Variants in IL4R observed in about 807,000 individuals in gnomAD.
IL4R encodes the protein interleukin-4 receptor subunit alpha.
IL4R carries 17 observed loss-of-function variants against 41.5 expected under a neutral mutation model. The ratio of observed to expected loss-of-function variants is 0.41; its 90% CI spans 0.28 to 0.61. IL4R has a LOEUF of 0.61. IL4R is among the 20% of genes least tolerant of loss of function. The pLI, the probability that IL4R is intolerant of heterozygous loss-of-function variation, is 0.31. For synonymous variants in IL4R, 402 were observed against 422.9 expected (o/e 0.95, Z 0.61); for missense variants, 974 against 1,043.1 (o/e 0.93, Z 0.91).
chr16:27,363,490 A>C lies in IL4R; in HGVS notation c.2138A>C (p.Tyr713Ser). The change falls in exon 11 of 11, where the codon TAC becomes TCC. Residue 713 changes from tyrosine to serine, a missense_variant. Tyr to Ser is a moderately radical substitution (Grantham distance 144, BLOSUM62 -2). Coordinates refer to ENST00000395762, the MANE Select transcript of IL4R (RefSeq NM_000418.4). ...LVDSLGSGIV[Y>S]SALTCHLCGH... Reference sequence around the variant, plus strand: ...GACAGCCTGGGCAGTGGCATTGTCTACTCAGCCCTTACCTGCCACCTGTGC... The same window carrying C: ...GACAGCCTGGGCAGTGGCATTGTCTCCTCAGCCCTTACCTGCCACCTGTGC... 1 of 1,614,036 alleles carries C rather than the reference A, an allele frequency of 6.2e-7. No individual in the cohort carries two copies. Among genetic ancestry groups the C allele is most frequent in the Non-Finnish European group, 8.5e-7 (1 of 1,179,962 alleles).
rs935440543 is a variant in IL4R at position 27,363,284 on chromosome 16, C to A, written c.1932C>A (p.Asp644Glu). 1.9e-6 allele frequency: 3 copies of A among 1,604,236 alleles called. No individual in the cohort carries two copies. In the East Asian group the frequency reaches 6.7e-5, roughly 36 times the overall value. Reference sequence around the variant, plus strand: ...ACCTCATTCCTGGCTGCCCTGGGGACCCTGCCCCAGTCCCTGTCCCCTTGT... The same window carrying A: ...ACCTCATTCCTGGCTGCCCTGGGGAACCTGCCCCAGTCCCTGTCCCCTTGT... ...FQDLIPGCPG[D>E]PAPVPVPLFT... Residue 644 changes from aspartate to glutamate, a missense_variant, in exon 11 of 11, where the codon GAC becomes GAA. Transcript: ENST00000395762.
intron 10 of IL4R, 195 bp downstream of exon 10, chr16:27,361,010 T>TCA: frequency 2.0e-6 from 3 of 1,466,234 alleles, no homozygotes; most frequent in Non-Finnish European, 2.7e-6. Flanking sequence ...TGAGTTTCAC[T>TCA]GGTGTGTCAG....
At chr16:27,349,960 G>A (rs370057364) in intron 6 of IL4R, among the ~76,000 whole-genome samples, 1 of 152,100 alleles carries the variant, frequency 6.6e-6, no homozygotes, top group Non-Finnish European at 1.5e-5. Flanking sequence ...CATGTTGTCC[G>A]GGCTGGTCTG....
upstream of IL4R, chr16:27,313,938 G>T: frequency 1.0e-6 from 1 of 984,698 alleles, no homozygotes; most frequent in Non-Finnish European, 1.2e-6. Flanking sequence ...AGCCCCGCGC[G>T]GCGCGGGCCA....
chr16:27,359,699 C>T, intron 9 of IL4R: 1 of 422,014 alleles, frequency 2.4e-6, no homozygotes. Flanking sequence ...TCAGTTTCCT[C>T]TTGTGGGTTA....
rs1379593515 is a variant in IL4R, at chr16:27,345,065, C to T, written c.361+45C>T. On this transcript the variant is annotated intron_variant, in intron 5 of 10. Coordinates refer to ENST00000395762, the MANE Select transcript of IL4R (RefSeq NM_000418.4). This position sits in a 1 kb window ranked among gnomAD's most constrained non-coding sequence, Gnocchi z 4.5. ...GCAGGGGTGGCTGGGTGTGTTCCCA[C>T]AGCTGCCTGGGCTGAGGGTGGGGTG... is the stretch of plus-strand genomic sequence containing the variant. 2.8e-6 allele frequency: 4 copies of T among 1,409,272 alleles called. No homozygotes were observed. The African/African-American group carries it at 5.9e-5, about 21-fold the overall frequency. The allele number at this position is 1,409,272 out of a possible 1,614,324, so 87.3% of individuals were successfully genotyped here.
chr16:27,363,195 G>T lies in IL4R; in HGVS notation c.1843G>T (p.Val615Leu). Residue 615 changes from valine (V) to leucine (L), a missense_variant, in exon 11 of 11, where the codon GTG becomes TTG. Physicochemically the swap from Val to Leu is conservative, Grantham distance 32. Coordinates refer to ENST00000395762, the MANE Select transcript of IL4R (RefSeq NM_000418.4). Reference sequence around the variant, plus strand: ...CTCAAGCCTGCTTGCCAGCAGTGCTGTGTCCCCAGAGAAATGTGGGTTTGG... The same window carrying T: ...CTCAAGCCTGCTTGCCAGCAGTGCTTTGTCCCCAGAGAAATGTGGGTTTGG... ...AFSSLLASSA[V>L]SPEKCGFGAS... The T allele has an allele frequency of 6.2e-7, 1 of 1,610,564 alleles. No homozygotes were observed. Among genetic ancestry groups the T allele is most frequent in the Non-Finnish European group, 8.5e-7 (1 of 1,177,994 alleles).
intron 2 of IL4R, among the ~76,000 whole-genome samples, chr16:27,332,956 C>G (rs140271788): frequency 4.6e-4 from 70 of 152,008 alleles, no homozygotes; most frequent in African/African-American, 1.6e-3. Context: ...TTTAAATCTC[C>G]AAATACTTGG....
chr16:27,353,178 C>A (rs1194618742), intron 7 of IL4R, among the ~76,000 whole-genome samples: 1 of 152,166 alleles, frequency 6.6e-6, no homozygotes, highest in Admixed American at 6.5e-5. Context: ...CAAAAATTAG[C>A]CAGGCATGGT....
chr16:27,322,411 A>G (rs2084839940), intron 1 of IL4R, among the ~76,000 whole-genome samples: 1 of 152,136 alleles, frequency 6.6e-6, no homozygotes, highest in African/African-American at 2.4e-5. Context: ...TCCTAGGTTC[A>G]AGCAGTCTGC....
intron 8 of IL4R, among the ~76,000 whole-genome samples, chr16:27,356,336 C>T (rs966785462): frequency 6.6e-6 from 1 of 152,128 alleles, no homozygotes; most frequent in Non-Finnish European, 1.5e-5. Context: ...CATGATCTGC[C>T]TGCCTCAGCC....
At position 27,333,075 on chromosome 16, in the gene IL4R, T is replaced by C. The variant is rs1448624415; in HGVS notation, c.-19+2877T>C. 2.6e-5 allele frequency among the ~76,000 whole-genome samples: 4 copies of C among 152,118 alleles called. 1 individual carries two copies. Among genetic ancestry groups the C allele is most frequent in the Non-Finnish European group, 5.9e-5 (4 of 68,014 alleles). On this transcript the variant is annotated intron_variant, in intron 2 of 10. Transcript: ENST00000395762. ...TTTTCAATCTCTTAAGGTTGTTTTA[T>C]GTCCCAGAATGTGGTCTGTCTTGGT...
intron 3 of IL4R, among the ~76,000 whole-genome samples, chr16:27,341,562 G>A (rs925629903): frequency 2.0e-5 from 3 of 152,118 alleles, no homozygotes; most frequent in Admixed American, 1.3e-4. Context: ...CAAGCTAGGA[G>A]GGCGCTGAAA....
In IL4R at chr16:27,342,132, G is replaced by T; in HGVS notation, c.82G>T (p.Val28Phe). Residue 28 changes from valine to phenylalanine, a missense_variant, in exon 4 of 11, where the codon GTC becomes TTC. Coordinates refer to ENST00000395762, the MANE Select transcript of IL4R (RefSeq NM_000418.4). ...LQVASSGNMK[V>F]LQEPTCVSDY... is the part of the protein sequence containing the mutation. ...CTGTGTCTCCCCAGGGAACATGAAG[G>T]TCTTGCAGGAGCCCACCTGCGTCTC... The T allele has an allele frequency of 1.9e-6, 3 of 1,614,142 alleles. No homozygotes were observed. Among genetic ancestry groups the T allele is most frequent in the Non-Finnish European group, 2.5e-6 (3 of 1,180,022 alleles).
In IL4R at chr16:27,319,743, C is replaced by T. The variant is rs369429396; in HGVS notation, c.-152+5723C>T. Among the ~76,000 whole-genome samples, 8 of 152,336 alleles carry T rather than the reference C, an allele frequency of 5.3e-5. No individual in the cohort carries two copies. In the South Asian group the frequency reaches 1.7e-3, roughly 32 times the overall value. Reference sequence around the variant, plus strand: ...AGCGAAGTTTTATCTGTATTTACAGCTGCTCCCCATCGCTCGCATTACCAC... The same window carrying T: ...AGCGAAGTTTTATCTGTATTTACAGTTGCTCCCCATCGCTCGCATTACCAC... On this transcript the variant is annotated intron_variant, in intron 1 of 10. Transcript: ENST00000395762.
chr16:27,339,274 G>C (rs2085360420), intron 2 of IL4R, among the ~76,000 whole-genome samples: 2 of 152,226 alleles, frequency 1.3e-5, no homozygotes, highest in African/African-American at 4.8e-5. Context: ...GAGTAGCTGG[G>C]ACTAGAGATG....
In IL4R at chr16:27,362,983, A is replaced by C. The variant is rs2141226807; in HGVS notation, c.1631A>C (p.Gln544Pro). Residue 544 changes from glutamine to proline, a missense_variant, in exon 11 of 11, where the codon CAA becomes CCA. By Grantham distance (76) the Gln-to-Pro change is moderately conservative. Around this residue, in one of 3 missense-constraint regions of IL4R, gnomAD observed 682 missense variants for 704.3 expected, o/e 0.97. Transcript: ENST00000395762. ...PQLSEPTTVP[Q>P]PEPETWEQIL... The stretch of plus-strand genomic sequence containing the variant: ...CTCTCTGAGCCAACCACTGTGCCCC[A>C]ACCTGAGCCAGAAACCTGGGAGCAG... The C allele has an allele frequency of 6.2e-7, 1 of 1,614,096 alleles. No individual in the cohort carries two copies. The highest frequency in any genetic ancestry group is 1.1e-5 in the South Asian group (1 of 91,086).
intron 9 of IL4R, chr16:27,359,858 TACA>T (rs776733588): frequency 4.4e-6 from 2 of 453,352 alleles, no homozygotes; most frequent in South Asian, 1.6e-5. Context: ...TGTAGAGGGT[TACA>T]ACAACTTTAT....
At chr16:27,323,518 A>C (rs1274486939) in intron 1 of IL4R, among the ~76,000 whole-genome samples, 2 of 152,172 alleles carry the variant, frequency 1.3e-5, no homozygotes, top group Non-Finnish European at 2.9e-5. Flanking sequence ...CCCACTCACT[A>C]GCTGTGCATC....
Sources: gnomAD v4.1 joint callset for allele counts (sites outside exome capture counted in the v4.1 genomes callset) on GRCh38, gnomAD v4.1.1 for gene constraint, gnomAD v4.1.1 regional missense constraint, Gnocchi (gnomAD v3.1) non-coding constraint, MANE v1.5 for transcripts, NCBI Gene and HGNC (gene_info 2026-07-23, HGNC 2026-07-21) for gene names.